The following CFAP47 variants were observed in gnomAD, a reference collection of about 807,000 sequenced individuals.
CFAP47 encodes the protein cilia and flagella associated protein 47, also known as cilia- and flagella-associated protein 47.
Under a neutral mutation model 148.1 loss-of-function variants are expected in CFAP47, and 29 were observed. The observed-to-expected ratio is 0.20, with a 90% CI of 0.15 to 0.27. The LOEUF (loss-of-function observed/expected upper bound fraction) is 0.27, where lower values mean the gene tolerates loss of function less well. Among genes scored for constraint, CFAP47 ranks in the 10% least tolerant of loss-of-function variants. The probability of loss-of-function intolerance (pLI) is 1.00; values close to 1 mark genes in which losing one functional copy is unlikely to be tolerated. For missense variants in CFAP47, 1,872 were observed against 1,697.5 expected (o/e 1.10, Z -1.81); for synonymous variants, 664 against 577.3 (o/e 1.15, Z -2.15).
intron 49 of CFAP47, among the ~76,000 whole-genome samples, chrX:36,265,734 T>C (rs1339539821): frequency 8.9e-6 from 1 of 111,932 alleles, no homozygotes; most frequent in Non-Finnish European, 1.9e-5. Context: ...TTAAGAACCA[T>C]TTCTGGGAAG....
intron 62 of CFAP47, 42 bp from the exon 63 acceptor site, chrX:36,379,308 A>G (rs1942055064): frequency 1.8e-6 from 2 of 1,122,884 alleles, no homozygotes; most frequent in Non-Finnish European, 2.4e-6. Flanking sequence ...GAATGAAGTA[A>G]TGACGAAATT....
intron 25 of CFAP47, among the ~76,000 whole-genome samples, chrX:36,040,171 G>T (rs1025171458): frequency 8.9e-6 from 1 of 111,909 alleles, no homozygotes; most frequent in African/African-American, 3.2e-5. Context: ...ATAAAGCTGG[G>T]TAGCAGTATT....
chrX:35,939,887 T>C (rs1223396477), intron 2 of CFAP47, among the ~76,000 whole-genome samples: 2 of 100,279 alleles, frequency 2.0e-5, no homozygotes, highest in Non-Finnish European at 4.0e-5. Flanking sequence ...TCCACAAGGG[T>C]TGAACTAGTT....
At chrX:35,932,222 C>T (rs1569205149) in intron 2 of CFAP47, among the ~76,000 whole-genome samples, 1 of 107,792 alleles carries the variant, frequency 9.3e-6, no homozygotes, top group Admixed American at 1.0e-4. Context: ...CTAATTTTTT[C>T]TTTCTTTCTT....
intron 29 of CFAP47, among the ~76,000 whole-genome samples, chrX:36,084,456 G>A (rs1385214556): frequency 5.4e-5 from 6 of 111,288 alleles, no homozygotes; most frequent in Non-Finnish European, 3.8e-5. Flanking sequence ...TTTGAGCAGT[G>A]GTAGTCTATT....
At chrX:36,334,532 T>G in intron 57 of CFAP47, among the ~76,000 whole-genome samples, 1 of 111,265 alleles carries the variant, frequency 9.0e-6, no homozygotes, top group African/African-American at 3.3e-5. Flanking sequence ...TCACCCAATT[T>G]TATGTCTCTC....
At position 36,175,093 on chromosome X, in the gene CFAP47, C is replaced by T. The variant is rs1455704644; in HGVS notation, c.6027-4252C>T. 2.1e-4 allele frequency among the ~76,000 whole-genome samples: 24 copies of T among 111,662 alleles called. No homozygotes were observed. The South Asian group carries it at 3.3e-3, about 16-fold the overall frequency. Reference sequence around the variant, plus strand: ...TACCCTTTCTTCCAGTTGATCGCATCGGCTCCTGAGGCTTCTGCATTCTTC... The same window carrying T: ...TACCCTTTCTTCCAGTTGATCGCATTGGCTCCTGAGGCTTCTGCATTCTTC... On this transcript the variant is annotated intron_variant, in intron 39 of 63. Coordinates refer to ENST00000378653, the MANE Select transcript of CFAP47 (RefSeq NM_001304548.2).
At chrX:36,218,983 G>A (rs1198807494) in intron 45 of CFAP47, among the ~76,000 whole-genome samples, 1 of 111,578 alleles carries the variant, frequency 9.0e-6, no homozygotes, top group Non-Finnish European at 1.9e-5. Context: ...TGGAAGCCAA[G>A]GTTCTTGTTA....
chrX:35,961,378 A>G, intron 8 of CFAP47, among the ~76,000 whole-genome samples: 1 of 111,806 alleles, frequency 8.9e-6, no homozygotes, highest in Non-Finnish European at 1.9e-5. Flanking sequence ...TTTTTTGTAA[A>G]TGCTTGTGAA....
intron 26 of CFAP47, among the ~76,000 whole-genome samples, chrX:36,052,194 C>T (rs192336779): frequency 8.1e-4 from 91 of 112,047 alleles, no homozygotes; most frequent in African/African-American, 2.9e-3. Context: ...TTTATTGGCA[C>T]AGAAACTCCT....
chrX:36,099,967 A>T (rs1416285348), intron 32 of CFAP47, 88 bp downstream of exon 32: 1 of 496,903 alleles, frequency 2.0e-6, no homozygotes, highest in African/African-American at 2.5e-5. Context: ...GCTATGAAAG[A>T]TTCAAAAACA....
At chrX:36,374,297 A>G (rs1942000936) in intron 62 of CFAP47, among the ~76,000 whole-genome samples, 1 of 110,338 alleles carries the variant, frequency 9.1e-6, no homozygotes, top group African/African-American at 3.3e-5. Flanking sequence ...AAATATATAC[A>G]TTTCCTTCTT....
At position 35,971,636 on chromosome X, in the gene CFAP47, C is replaced by T. The variant is rs1350401825; in HGVS notation, c.2021C>T (p.Ser674Leu). ...ACAGACATAGGCTTAGAGCCAGGAT[C>T]AGGTCTAAAGTCACCCTCACTCTCA... ...DDTDIGLEPG[S>L]GLKSPSLSEA... Residue 674 changes from serine (S) to leucine (L), a missense_variant, in exon 12 of 64, where the codon TCA becomes TTA. Physicochemically the swap from Ser to Leu is moderately radical, Grantham distance 145 (BLOSUM62 -2). Coordinates refer to ENST00000378653, the MANE Select transcript of CFAP47 (RefSeq NM_001304548.2). 3 of 1,199,042 alleles carry T rather than the reference C, an allele frequency of 2.5e-6. No homozygotes were observed. The African/African-American group carries it at 5.3e-5, about 21-fold the overall frequency.
chrX:35,942,862 C>T (rs1006743500), intron 3 of CFAP47, among the ~76,000 whole-genome samples: 7 of 111,604 alleles, frequency 6.3e-5, no homozygotes, highest in Non-Finnish European at 9.4e-5. Flanking sequence ...AAAAATACTG[C>T]GCATTGGCTA....
chrX:36,032,880 A>G (rs928386820), intron 23 of CFAP47, among the ~76,000 whole-genome samples: 5 of 111,618 alleles, frequency 4.5e-5, no homozygotes, highest in African/African-American at 1.3e-4. Flanking sequence ...GGTTAAAAGC[A>G]GAGAACCTTT....
In CFAP47 at chrX:36,243,665, A is replaced by G. The variant is rs1365993876; in HGVS notation, c.7332+6806A>G. ...TGTGTGTGTATATATATATATATAT[A>G]TATATATATATATATATATATATTC... is the stretch of plus-strand genomic sequence containing the variant. On this transcript the variant is annotated intron_variant, in intron 48 of 63. Transcript: ENST00000378653. Among the ~76,000 whole-genome samples the G allele has an allele frequency of 1.6e-3, 114 of 71,093 alleles. 1 individual carries two copies. Among genetic ancestry groups the G allele is most frequent in the African/African-American group, 0.016 (109 of 6,902 alleles). The allele number at this position is 71,093 out of a possible 115,157, so 61.7% of individuals were successfully genotyped here. A position where few individuals can be genotyped will look rare whatever the true frequency, so the allele number is the denominator to read the frequency against.
chrX:36,099,788 C>A lies in CFAP47; in HGVS notation c.5036C>A (p.Pro1679His). ...ACGATGCCTGTGAGTTCCTGTACAC[C>A]TAAGAAAAAATGTTCTATTGTTATA... ...TNTMPVSSCT[P>H]KKKCSIVIEM... Residue 1679 changes from proline (P) to histidine (H), a missense_variant, in exon 32 of 64, where the codon CCT becomes CAT. By Grantham distance (77) the Pro-to-His change is moderately conservative (BLOSUM62 -2). Coordinates refer to ENST00000378653, the MANE Select transcript of CFAP47 (RefSeq NM_001304548.2). The A allele has an allele frequency of 2.3e-6, 2 of 883,054 alleles. No homozygotes were observed. 72.8% of individuals were successfully genotyped at this position (883,054 alleles called of 1,213,427 possible). A position where few individuals can be genotyped will look rare whatever the true frequency, so the allele number is the denominator to read the frequency against.
At chrX:35,936,312 T>TTTTTAG (rs1935910075) in intron 2 of CFAP47, among the ~76,000 whole-genome samples, 1 of 112,019 alleles carries the variant, frequency 8.9e-6, no homozygotes, top group South Asian at 3.7e-4. Context: ...CATCACTATG[T>TTTTTAG]TTTTAGTTTG....
intron 8 of CFAP47, among the ~76,000 whole-genome samples, chrX:35,966,332 T>A (rs749260497): frequency 2.9e-4 from 32 of 110,431 alleles, no homozygotes; most frequent in South Asian, 1.4e-3. Context: ...AAATATTAGC[T>A]GCTAATATTT....
Sources: allele counts gnomAD v4.1 joint callset (sites outside exome capture counted in the v4.1 genomes callset), GRCh38; gene constraint gnomAD v4.1.1; transcripts MANE v1.5; gene names NCBI Gene and HGNC (gene_info 2026-07-23, HGNC 2026-07-21).